Variants in VTI1A observed in about 807,000 individuals in gnomAD.
VTI1A encodes vesicle transport through interaction with t-SNAREs 1A.
A neutral mutation model predicts 34.9 loss-of-function variants in VTI1A; 22 were observed. The observed-to-expected ratio is 0.63, with a 90% confidence interval of 0.45 to 0.90. VTI1A has a LOEUF of 0.90. VTI1A is among the 40% of genes least tolerant of loss of function. The pLI is 0.00. For synonymous variants in VTI1A, 87 were observed against 97.3 expected (o/e 0.89, Z 0.62); for missense variants, 268 against 275.6 (o/e 0.97, Z 0.20).
intron 4 of VTI1A, among the ~76,000 whole-genome samples, chr10:112,534,608 C>T (rs939816703): frequency 9.2e-5 from 14 of 151,938 alleles, no homozygotes; most frequent in Non-Finnish European, 5.9e-5. Flanking sequence ...CTGATGTCCT[C>T]CCTCAGAAAA....
chr10:112,619,394 G>T (rs1219268080), intron 5 of VTI1A, among the ~76,000 whole-genome samples: 3 of 152,062 alleles, frequency 2.0e-5, no homozygotes, highest in African/African-American at 7.2e-5. Flanking sequence ...TCTGGGTGGG[G>T]AACACATCCC....
chr10:112,731,002 TTA>T (rs1229926253), intron 7 of VTI1A, among the ~76,000 whole-genome samples: 1 of 152,130 alleles, frequency 6.6e-6, no homozygotes, highest in African/African-American at 2.4e-5. Flanking sequence ...TTCCATTTGA[TTA>T]TATATATTAA....
chr10:112,456,995 G>C (rs1439805968), intron 1 of VTI1A, among the ~76,000 whole-genome samples: 2 of 152,118 alleles, frequency 1.3e-5, no homozygotes, highest in African/African-American at 4.8e-5. Flanking sequence ...TTTTGAATTA[G>C]TTTAGCCAGA....
At chr10:112,622,972 G>T (rs2134577849) in intron 5 of VTI1A, among the ~76,000 whole-genome samples, 1 of 152,274 alleles carries the variant, frequency 6.6e-6, no homozygotes, top group Non-Finnish European at 1.5e-5. Context: ...ATGATAAATT[G>T]TCCCTAATGG....
chr10:112,601,732 A>G (rs1448039975), intron 5 of VTI1A, among the ~76,000 whole-genome samples: 1 of 152,234 alleles, frequency 6.6e-6, no homozygotes, highest in Non-Finnish European at 1.5e-5. Flanking sequence ...TATTAGTAAG[A>G]CAAGGGGATG....
At chr10:112,460,200 A>T (rs1221657568) in intron 1 of VTI1A, among the ~76,000 whole-genome samples, 1 of 152,238 alleles carries the variant, frequency 6.6e-6, no homozygotes, top group African/African-American at 2.4e-5. Flanking sequence ...GACTTCACAG[A>T]TTCCTTAGGC....
At chr10:112,658,534 G>T (rs1847320858) in intron 5 of VTI1A, among the ~76,000 whole-genome samples, 1 of 152,114 alleles carries the variant, frequency 6.6e-6, no homozygotes, top group Admixed American at 6.5e-5. Context: ...GTCCTGTACT[G>T]CCTCTTAAAA....
chr10:112,775,133 G>T (rs1472500912), intron 7 of VTI1A, among the ~76,000 whole-genome samples: 2 of 152,100 alleles, frequency 1.3e-5, no homozygotes, highest in African/African-American at 4.8e-5. Flanking sequence ...CTCCACTGCC[G>T]AATTTAAAAA....
intron 7 of VTI1A, among the ~76,000 whole-genome samples, chr10:112,789,723 G>T (rs540730976): frequency 1.3e-5 from 2 of 151,698 alleles, no homozygotes; most frequent in African/African-American, 4.8e-5. Flanking sequence ...TAGAATTTCC[G>T]TTTGGCTCTT....
At chr10:112,596,888 C>G (rs1475111363) in intron 5 of VTI1A, among the ~76,000 whole-genome samples, 1 of 151,960 alleles carries the variant, frequency 6.6e-6, no homozygotes, top group African/African-American at 2.4e-5. Flanking sequence ...ATACTTTTTT[C>G]AAATTTGTTG....
intron 5 of VTI1A, among the ~76,000 whole-genome samples, chr10:112,663,338 T>C (rs1240220860): frequency 6.6e-6 from 1 of 152,210 alleles, no homozygotes; most frequent in Non-Finnish European, 1.5e-5. Flanking sequence ...AACTGTTTGC[T>C]CCTACACAAA....
intron 3 of VTI1A, among the ~76,000 whole-genome samples, chr10:112,503,655 T>C (rs1849321691): frequency 1.3e-5 from 2 of 152,190 alleles, no homozygotes; most frequent in Admixed American, 6.5e-5. Flanking sequence ...AGGACAACCA[T>C]TATATTAATG....
intron 7 of VTI1A, among the ~76,000 whole-genome samples, chr10:112,797,953 C>T (rs1336634973): frequency 6.6e-6 from 1 of 152,198 alleles, no homozygotes; most frequent in Non-Finnish European, 1.5e-5. Flanking sequence ...GAGTCAGTAT[C>T]TGTGAGATAG....
chr10:112,849,518 C>T, the VTI1A span, among the ~76,000 whole-genome samples: 1 of 152,220 alleles, frequency 6.6e-6, no homozygotes, highest in Non-Finnish European at 1.5e-5. Flanking sequence ...TGGTCTAGGG[C>T]TGGTCCCTTC....
intron 7 of VTI1A, among the ~76,000 whole-genome samples, chr10:112,756,528 T>C (rs961570422): frequency 6.6e-6 from 1 of 152,296 alleles, no homozygotes; most frequent in East Asian, 1.9e-4. Flanking sequence ...AGCCGGTCTT[T>C]ATTAAACACC....
intron 7 of VTI1A, among the ~76,000 whole-genome samples, chr10:112,809,652 C>A (rs1204595381): frequency 2.0e-5 from 3 of 152,250 alleles, no homozygotes; most frequent in Non-Finnish European, 4.4e-5. Flanking sequence ...TATCTACAAG[C>A]AGTCCTTAGA....
intron 3 of VTI1A, among the ~76,000 whole-genome samples, chr10:112,482,364 G>A (rs1217932309): frequency 6.6e-6 from 1 of 152,084 alleles, no homozygotes; most frequent in Non-Finnish European, 1.5e-5. Context: ...GGATTCTGAG[G>A]ATATAATCTT....
intron 7 of VTI1A, among the ~76,000 whole-genome samples, chr10:112,739,579 T>C (rs1354112517): frequency 6.6e-6 from 1 of 152,252 alleles, no homozygotes. Context: ...AAGCGATGTC[T>C]TGTATTTCAA....
intron 5 of VTI1A, among the ~76,000 whole-genome samples, chr10:112,572,640 C>A (rs1430454073): frequency 5.9e-5 from 9 of 152,008 alleles, no homozygotes; most frequent in Admixed American, 5.9e-4. Context: ...AGATCGAGAC[C>A]ATCTTGGCTA....
Sources: gnomAD v4.1 joint callset for allele counts (sites outside exome capture counted in the v4.1 genomes callset) on GRCh38, gnomAD v4.1.1 for gene constraint, MANE v1.5 for transcripts, NCBI Gene and HGNC (gene_info 2026-07-23, HGNC 2026-07-21) for gene names.